Variants in PRSS55 observed in about 807,000 individuals in gnomAD.
PRSS55 encodes the protein serine protease 55, also known as probable serine protease UNQ9391/PRO34284.
PRSS55 carries 41 observed loss-of-function variants against 23.6 expected under a neutral mutation model. The observed-to-expected ratio is 1.74, with a 90% confidence interval of 1.35 to 2.26. The LOEUF is 2.26. Ranked by LOEUF, PRSS55 falls within the 30% of genes most tolerant of loss-of-function variation. The pLI is 0.00. For synonymous variants in PRSS55, 262 were observed against 175.5 expected, an observed-to-expected ratio of 1.49 and a Z score of -3.90; for missense variants, 669 against 439.1, an observed-to-expected ratio of 1.52 and a Z score of -4.68.
At chr8:10,527,907 G>C (rs1376254531) in intron 1 of PRSS55, among the ~76,000 whole-genome samples, 5 of 152,194 alleles carry the variant, frequency 3.3e-5, no homozygotes, top group African/African-American at 1.2e-4. Flanking sequence ...CAGAGAGGAA[G>C]TGTGGATCCA....
At chr8:10,544,926 G>A (rs1017595792) in intron 4 of PRSS55, 2 of 688,080 alleles carry the variant, frequency 2.9e-6, no homozygotes, top group Non-Finnish European at 3.6e-6. Flanking sequence ...AGAGAAGAAA[G>A]GAGATAAAGT....
intron 4 of PRSS55, among the ~76,000 whole-genome samples, chr8:10,551,451 G>A (rs1812948610): frequency 2.0e-5 from 3 of 152,224 alleles, no homozygotes; most frequent in Admixed American, 6.5e-5. Context: ...ACCTCTGGTG[G>A]GGACGGCAGG....
At chr8:10,529,745 C>G (rs371729682) in intron 2 of PRSS55, 46 bp downstream of exon 2, 899 of 1,553,794 alleles carry the variant, frequency 5.8e-4, no homozygotes, top group Non-Finnish European at 7.4e-4. Flanking sequence ...GGCGCCCACC[C>G]CTGGGGCACC....
intron 3 of PRSS55, among the ~76,000 whole-genome samples, 180 bp from the exon 4 acceptor site, chr8:10,532,726 G>C (rs1812313063): frequency 6.6e-6 from 1 of 152,156 alleles, no homozygotes; most frequent in African/African-American, 2.4e-5. Context: ...TGTGGGAGTT[G>C]TTGGGGGAGT....
At chr8:10,527,385 A>G (rs1464354039) in intron 1 of PRSS55, among the ~76,000 whole-genome samples, 1 of 152,254 alleles carries the variant, frequency 6.6e-6, no homozygotes, top group Non-Finnish European at 1.5e-5. Flanking sequence ...TCAGCCCACA[A>G]GCATGTTGCC....
At chr8:10,539,246 G>T (rs1563544233), downstream of PRSS55, among the ~76,000 whole-genome samples, 1 of 152,090 alleles carries the variant, frequency 6.6e-6, no homozygotes, top group African/African-American at 2.4e-5. Context: ...TTCTACGCAG[G>T]CCTTCAGTGG....
chr8:10,539,486 G>A (rs567941146), downstream of PRSS55, among the ~76,000 whole-genome samples: 3 of 152,282 alleles, frequency 2.0e-5, no homozygotes, highest in Admixed American at 1.3e-4. Context: ...ACCCTTCTAT[G>A]GAGCATGTTT....
At chr8:10,549,448 G>C (rs1044169407) in intron 4 of PRSS55, among the ~76,000 whole-genome samples, 1 of 152,230 alleles carries the variant, frequency 6.6e-6, no homozygotes, top group Non-Finnish European at 1.5e-5. Context: ...GATGGCATCG[G>C]CATGTTGGGA....
intron 4 of PRSS55, among the ~76,000 whole-genome samples, chr8:10,534,351 G>C (rs1563540301): frequency 6.6e-6 from 1 of 152,118 alleles, no homozygotes; most frequent in African/African-American, 2.4e-5. Flanking sequence ...CACACATCTT[G>C]ACCAGAAAAC....
At chr8:10,525,880 CCT>C (rs1812004429) in intron 1 of PRSS55, 141 bp downstream of exon 1, 1 of 911,182 alleles carries the variant, frequency 1.1e-6, no homozygotes, top group African/African-American at 1.7e-5. Flanking sequence ...TCCTTTCTCT[CCT>C]CTCTCCCCTG....
At chr8:10,545,634 T>C (rs1812797884) in intron 4 of PRSS55, among the ~76,000 whole-genome samples, 2 of 152,198 alleles carry the variant, frequency 1.3e-5, no homozygotes, top group South Asian at 4.1e-4. Context: ...AAGCCCAGGC[T>C]TTCTAAGGTA....
At chr8:10,547,185 A>G (rs1812837934) in intron 4 of PRSS55, among the ~76,000 whole-genome samples, 1 of 152,154 alleles carries the variant, frequency 6.6e-6, no homozygotes, top group Non-Finnish European at 1.5e-5. Flanking sequence ...GTCACTCGAC[A>G]ACCTCTCTTG....
intron 3 of PRSS55, 55 bp downstream of exon 3, chr8:10,531,600 G>C (rs758727732): frequency 6.3e-7 from 1 of 1,597,094 alleles, no homozygotes; most frequent in Non-Finnish European, 8.5e-7. Context: ...GTGAAGGAGA[G>C]GGGAGGAAGC....
chr8:10,537,469 A>C (rs549358236), intron 4 of PRSS55, among the ~76,000 whole-genome samples: 1 of 152,186 alleles, frequency 6.6e-6, no homozygotes, highest in Admixed American at 6.5e-5. Context: ...GGAGGAAAGC[A>C]GGTGGGGACT....
intron 2 of PRSS55, 70 bp from the exon 3 acceptor site, chr8:10,531,225 C>T (rs1365385913): frequency 1.6e-5 from 25 of 1,582,498 alleles, no homozygotes; most frequent in East Asian, 2.2e-5. Flanking sequence ...TTTCTGGGCA[C>T]AGCCAATTCT....
intron 4 of PRSS55, among the ~76,000 whole-genome samples, chr8:10,537,777 C>G (rs1193408353): frequency 6.6e-6 from 1 of 152,108 alleles, no homozygotes; most frequent in Non-Finnish European, 1.5e-5. Flanking sequence ...TCCTGGGTTC[C>G]AATCCCAGCC....
At chr8:10,539,967 C>T (rs2117056217), downstream of PRSS55, among the ~76,000 whole-genome samples, 1 of 152,336 alleles carries the variant, frequency 6.6e-6, no homozygotes, top group African/African-American at 2.4e-5. Context: ...GCCTCTCAAG[C>T]TGTCACCAGT....
At chr8:10,550,547 G>A (rs1287216775) in intron 4 of PRSS55, among the ~76,000 whole-genome samples, 1 of 152,146 alleles carries the variant, frequency 6.6e-6, no homozygotes, top group Non-Finnish European at 1.5e-5. Context: ...AGCTGATGCC[G>A]TTTTGTTGAG....
chr8:10,541,280 G>A (rs991036331), downstream of PRSS55: 1 of 152,390 alleles, frequency 6.6e-6, no homozygotes, highest in Non-Finnish European at 1.5e-5. Context: ...GGATGAGATT[G>A]ATGTTTAAAT....
Sources: allele counts gnomAD v4.1 joint callset (sites outside exome capture counted in the v4.1 genomes callset), GRCh38; gene constraint gnomAD v4.1.1; transcripts MANE v1.5; gene names NCBI Gene and HGNC (gene_info 2026-07-23, HGNC 2026-07-21).